RGS17: variants seen among roughly 807,000 people sequenced by gnomAD.
RGS17 encodes the protein regulator of G protein signaling 17, also known as regulator of G-protein signaling 17.
RGS17 carries 12 observed loss-of-function variants against 25.5 expected under a neutral mutation model. The ratio of observed to expected loss-of-function variants is 0.47; its 90% CI spans 0.30 to 0.76. RGS17 has a LOEUF of 0.76. RGS17 is among the 30% of genes least tolerant of loss of function. The pLI, the probability that RGS17 is intolerant of heterozygous loss-of-function variation, is 0.07. For synonymous variants in RGS17, 71 were observed against 76.9 expected (o/e 0.92, Z 0.40); for missense variants, 196 against 242.2 (o/e 0.81, Z 1.27).
intron 1 of RGS17, among the ~76,000 whole-genome samples, chr6:153,078,184 T>A (rs984847506): frequency 6.6e-6 from 1 of 152,192 alleles, no homozygotes. Context: ...ACACTATCTT[T>A]ATAGGAAATT....
At chr6:153,021,843 A>G (rs1779251011) in intron 4 of RGS17, among the ~76,000 whole-genome samples, 1 of 152,192 alleles carries the variant, frequency 6.6e-6, no homozygotes, top group African/African-American at 2.4e-5. Flanking sequence ...CATTCTGGAA[A>G]GGTCATGTTC....
At chr6:153,047,000 C>G (rs1446919994) in intron 1 of RGS17, among the ~76,000 whole-genome samples, 1 of 152,168 alleles carries the variant, frequency 6.6e-6, no homozygotes, top group Non-Finnish European at 1.5e-5. Context: ...TACCCACACA[C>G]AAGTAATGCT....
intron 1 of RGS17, among the ~76,000 whole-genome samples, chr6:153,128,483 G>A (rs1777738239): frequency 6.6e-6 from 1 of 152,050 alleles, no homozygotes; most frequent in African/African-American, 2.4e-5. Flanking sequence ...TTTAGCAAAC[G>A]GACTTCTGAC....
At chr6:153,074,875 C>A (rs73635336) in intron 1 of RGS17, among the ~76,000 whole-genome samples, 3,910 of 152,190 alleles carry the variant, frequency 0.026, 165 homozygotes, top group African/African-American at 0.087. Context: ...AAACTAAAAT[C>A]CACTCTTTAA....
At chr6:153,036,050 G>A (rs565064493) in intron 2 of RGS17, among the ~76,000 whole-genome samples, 133 of 152,174 alleles carry the variant, frequency 8.7e-4, no homozygotes, top group Non-Finnish European at 1.4e-3. Flanking sequence ...TTCTGTAACA[G>A]TCCCTTGCTG....
chr6:153,117,811 C>G (rs1777565496), intron 1 of RGS17, among the ~76,000 whole-genome samples: 2 of 152,204 alleles, frequency 1.3e-5, no homozygotes, highest in Admixed American at 1.3e-4. Context: ...ACATTCATTC[C>G]TTCAACATAT....
chr6:153,105,403 T>C (rs1056667518), intron 1 of RGS17, among the ~76,000 whole-genome samples: 1 of 152,074 alleles, frequency 6.6e-6, no homozygotes, highest in Admixed American at 6.6e-5. Flanking sequence ...GCCTACCGCA[T>C]CCTGCTGCCA....
intron 1 of RGS17, among the ~76,000 whole-genome samples, chr6:153,085,703 T>C (rs571385620): frequency 6.6e-6 from 1 of 152,222 alleles, no homozygotes; most frequent in Non-Finnish European, 1.5e-5. Context: ...TAACGATGAA[T>C]GGCATTAATA....
chr6:153,033,884 T>A (rs1225759972), intron 2 of RGS17, among the ~76,000 whole-genome samples: 1 of 152,170 alleles, frequency 6.6e-6, no homozygotes, highest in South Asian at 2.1e-4. Flanking sequence ...AATGCCTTAA[T>A]GGGAAAGCAA....
intron 1 of RGS17, among the ~76,000 whole-genome samples, chr6:153,047,512 A>G (rs1044914287): frequency 5.3e-5 from 8 of 152,230 alleles, no homozygotes; most frequent in African/African-American, 1.9e-4. Context: ...TTGCCCTTGC[A>G]AAATATATTT....
chr6:153,020,569 AG>A (rs1166636013), intron 4 of RGS17, among the ~76,000 whole-genome samples: 3 of 152,202 alleles, frequency 2.0e-5, no homozygotes, highest in Non-Finnish European at 4.4e-5. Flanking sequence ...TAGGGGAAAA[AG>A]TTATCTATAT....
intron 2 of RGS17, among the ~76,000 whole-genome samples, chr6:153,028,437 G>C (rs1779326951): frequency 1.3e-5 from 2 of 152,180 alleles, no homozygotes; most frequent in Admixed American, 1.3e-4. Context: ...ATTTGCGTGT[G>C]AGTGCTGTGA....
chr6:153,091,734 G>A (rs920864684), intron 1 of RGS17, among the ~76,000 whole-genome samples: 5 of 151,986 alleles, frequency 3.3e-5, no homozygotes, highest in Admixed American at 6.6e-5. Flanking sequence ...GCTGGTCTCG[G>A]ACTCTTGACC....
chr6:153,060,797 T>C (rs1776624464), intron 1 of RGS17, among the ~76,000 whole-genome samples: 1 of 152,100 alleles, frequency 6.6e-6, no homozygotes, highest in Non-Finnish European at 1.5e-5. Context: ...TCTATCACAA[T>C]AAATCTATCT....
Position 153,130,554 on chromosome 6 carries a change from CTCT to C in RGS17, c.-26+567_-26+569del, listed in dbSNP as rs1777772090. ...TGGTCAAAGGATTCATTTTCGCAAC[CTCT>C]TCTTCGAACACCTTCCCCACCTGAG... On this transcript the variant is annotated intron_variant, in intron 1 of 4. Coordinates refer to ENST00000206262, the MANE Select transcript of RGS17 (RefSeq NM_012419.5). The surrounding 1 kb of genome is among the most constrained non-coding windows in gnomAD (Gnocchi z 6.4). Among the ~76,000 whole-genome samples, 1 of 152,144 alleles carries C rather than the reference CTCT, an allele frequency of 6.6e-6. No homozygotes were observed. The highest frequency in any genetic ancestry group is 2.4e-5 in the African/African-American group (1 of 41,434).
intron 2 of RGS17, among the ~76,000 whole-genome samples, chr6:153,029,652 A>C (rs970663406): frequency 1.3e-5 from 2 of 150,110 alleles, no homozygotes; most frequent in African/African-American, 2.5e-5. Context: ...GTGCAATGGC[A>C]TGATCTCAGC....
chr6:153,114,647 T>C (rs1777518555), intron 1 of RGS17, among the ~76,000 whole-genome samples: 1 of 152,180 alleles, frequency 6.6e-6, no homozygotes, highest in African/African-American at 2.4e-5. Flanking sequence ...TTCAGGCCAA[T>C]ATCCCTGATG....
intron 1 of RGS17, among the ~76,000 whole-genome samples, chr6:153,093,971 T>C (rs1420555719): frequency 1.3e-5 from 2 of 152,142 alleles, no homozygotes. Context: ...AATGTCACAA[T>C]GTATATGAAA....
intron 2 of RGS17, among the ~76,000 whole-genome samples, chr6:153,026,969 G>T (rs78723403): frequency 0.022 from 3,379 of 152,050 alleles, 109 homozygotes; most frequent in African/African-American, 0.078. Context: ...AATTTTCCCC[G>T]ATTGAGAGCT....
Sources: allele counts gnomAD v4.1 joint callset (sites outside exome capture counted in the v4.1 genomes callset), GRCh38; gene constraint gnomAD v4.1.1; non-coding constraint Gnocchi (gnomAD v3.1); transcripts MANE v1.5; gene names NCBI Gene and HGNC (gene_info 2026-07-23, HGNC 2026-07-21).